The following PDE4B variants were observed in gnomAD, a reference collection of about 807,000 sequenced individuals.
PDE4B encodes phosphodiesterase 4B.
In PDE4B, 20 loss-of-function variants were observed where a neutral mutation model predicts 82.2. That is an observed-to-expected ratio of 0.24 (90% CI 0.17 to 0.35). The LOEUF (loss-of-function observed/expected upper bound fraction) is 0.35. PDE4B is among the 10% of genes least tolerant of loss of function. PDE4B has a pLI of 1.00. For missense variants in PDE4B, 655 were observed against 907.2 expected, an observed-to-expected ratio of 0.72 and a Z score of 3.57; for synonymous variants, 320 against 318.9, an observed-to-expected ratio of 1.00 and a Z score of -0.04.
chr1:65,990,819 G>A (rs981318066), intron 3 of PDE4B, among the ~76,000 whole-genome samples: 7 of 152,142 alleles, frequency 4.6e-5, no homozygotes, highest in Non-Finnish European at 8.8e-5. Flanking sequence ...AGCTGAACAA[G>A]GTGATTACTA....
At chr1:65,816,644 A>G (rs1645888791) in intron 1 of PDE4B, among the ~76,000 whole-genome samples, 1 of 152,206 alleles carries the variant, frequency 6.6e-6, no homozygotes, top group South Asian at 2.1e-4. Flanking sequence ...GGACAAAGAA[A>G]GCAAAACAGC....
chr1:65,899,617 A>G (rs35543467), intron 1 of PDE4B, among the ~76,000 whole-genome samples: 24,042 of 147,670 alleles, frequency 0.16, 2,250 homozygotes, highest in Middle Eastern at 0.29. Flanking sequence ...TTACATATGT[A>G]TATATATATA....
Position 66,141,403 on chromosome 1 carries a change from G to A in PDE4B, c.282-106057G>A, listed in dbSNP as rs1156569916. ...ACTTTAAACTAGGGCAGAAAGAATT[G>A]AGCAAAGTTTCCCGAAGATGACTTT... On this transcript the variant is annotated intron_variant, in intron 3 of 16. Coordinates refer to ENST00000341517, the MANE Select transcript of PDE4B (RefSeq NM_002600.4). Among the ~76,000 whole-genome samples, 8 of 142,538 alleles carry A rather than the reference G, an allele frequency of 5.6e-5. No individual in the cohort carries two copies. In the Admixed American group the frequency reaches 5.8e-4, roughly 10 times the overall value. 93.5% of individuals were successfully genotyped at this position (142,538 alleles called of 152,430 possible). A position where few individuals can be genotyped will look rare whatever the true frequency, so the allele number is the denominator to read the frequency against.
intron 3 of PDE4B, among the ~76,000 whole-genome samples, chr1:66,122,514 A>T (rs1321604742): frequency 6.6e-6 from 1 of 152,150 alleles, no homozygotes; most frequent in African/African-American, 2.4e-5. Flanking sequence ...TAAATGTATT[A>T]TTGGACTATG....
chr1:66,246,207 T>C (rs552185440), intron 3 of PDE4B, among the ~76,000 whole-genome samples: 9 of 152,324 alleles, frequency 5.9e-5, no homozygotes, highest in African/African-American at 2.2e-4. Context: ...TTACCTCAAA[T>C]GTAGAGTAGG....
intron 3 of PDE4B, among the ~76,000 whole-genome samples, chr1:66,116,841 G>A (rs678212): frequency 0.29 from 43,592 of 152,000 alleles, 7,356 homozygotes; most frequent in East Asian, 0.49. Context: ...CTAGGATTAC[G>A]TGGGTGAGCC....
chr1:66,154,629 G>T (rs545057360), intron 3 of PDE4B, among the ~76,000 whole-genome samples: 1 of 152,174 alleles, frequency 6.6e-6, no homozygotes. Flanking sequence ...GCTGGCAGGG[G>T]TTTTTCCAGA....
intron 12 of PDE4B, 41 bp from the exon 13 acceptor site, chr1:66,365,626 C>T (rs746364032): frequency 4.5e-5 from 52 of 1,155,580 alleles, no homozygotes; most frequent in South Asian, 4.4e-4. Flanking sequence ...GCAGGATAGG[C>T]GAATTGGATG....
chr1:66,248,229 G>A (rs746073447), intron 4 of PDE4B, among the ~76,000 whole-genome samples: 9 of 152,074 alleles, frequency 5.9e-5, no homozygotes, highest in African/African-American at 4.8e-5. Context: ...TTGTTTTGCC[G>A]CTATTAATTG....
intron 3 of PDE4B, among the ~76,000 whole-genome samples, chr1:66,243,841 C>A (rs1219929463): frequency 6.6e-6 from 1 of 152,198 alleles, no homozygotes; most frequent in South Asian, 2.1e-4. Flanking sequence ...TCCAAGTGAG[C>A]AGGCAACATA....
At chr1:65,885,976 T>C (rs1646771042) in intron 1 of PDE4B, among the ~76,000 whole-genome samples, 1 of 151,088 alleles carries the variant, frequency 6.6e-6, no homozygotes, top group African/African-American at 2.4e-5. Flanking sequence ...GACTAGTGAG[T>C]ACCTAAAATT....
chr1:66,187,910 C>CT (rs1435823942), intron 3 of PDE4B, among the ~76,000 whole-genome samples: 1 of 151,416 alleles, frequency 6.6e-6, no homozygotes, highest in Non-Finnish European at 1.5e-5. Context: ...TTTTCTAGTT[C>CT]TTTTAATTGT....
intron 1 of PDE4B, among the ~76,000 whole-genome samples, chr1:65,851,719 CTTCT>C (rs1291265614): frequency 6.6e-6 from 1 of 151,666 alleles, no homozygotes; most frequent in Middle Eastern, 3.3e-3. Context: ...TAAAAGGTTT[CTTCT>C]TTCTATTTTT....
chr1:66,121,965 C>T (rs944830707), intron 3 of PDE4B, among the ~76,000 whole-genome samples: 4 of 152,064 alleles, frequency 2.6e-5, no homozygotes, highest in Admixed American at 6.6e-5. Flanking sequence ...TGTCTCCTTC[C>T]GTCCCTGTCT....
At chr1:66,138,457 T>A (rs761215495) in intron 3 of PDE4B, among the ~76,000 whole-genome samples, 3 of 152,152 alleles carry the variant, frequency 2.0e-5, no homozygotes, top group Non-Finnish European at 4.4e-5. Flanking sequence ...AGGCGGAGGT[T>A]GCAGTGAGCC....
At chr1:66,291,198 T>A (rs1204916740) in intron 7 of PDE4B, among the ~76,000 whole-genome samples, 2 of 152,172 alleles carry the variant, frequency 1.3e-5, no homozygotes, top group Non-Finnish European at 2.9e-5. Context: ...CCTTCATCTT[T>A]AAAACAAACC....
At chr1:66,269,780 G>A (rs528665163) in intron 7 of PDE4B, among the ~76,000 whole-genome samples, 2 of 152,064 alleles carry the variant, frequency 1.3e-5, no homozygotes, top group African/African-American at 2.4e-5. Context: ...TCAAGTGTTC[G>A]CTGTCTTTAC....
At chr1:65,877,435 G>A (rs1050357858) in intron 1 of PDE4B, among the ~76,000 whole-genome samples, 1 of 152,006 alleles carries the variant, frequency 6.6e-6, no homozygotes, top group Non-Finnish European at 1.5e-5. Context: ...CTAACACGGT[G>A]AAACTCCATC....
intron 1 of PDE4B, among the ~76,000 whole-genome samples, chr1:65,871,205 G>T (rs1415540504): frequency 6.6e-6 from 1 of 152,194 alleles, no homozygotes; most frequent in Non-Finnish European, 1.5e-5. Context: ...TCTATTTGAA[G>T]TATGCTTTAA....
Sources: gnomAD v4.1 joint callset for allele counts (sites outside exome capture counted in the v4.1 genomes callset) on GRCh38, gnomAD v4.1.1 for gene constraint, MANE v1.5 for transcripts, NCBI Gene and HGNC (gene_info 2026-07-23, HGNC 2026-07-21) for gene names.